STXBP5L: variants seen among roughly 807,000 people sequenced by gnomAD.
STXBP5L encodes the protein syntaxin-binding protein 5-like.
Under a neutral mutation model 144.5 loss-of-function variants are expected in STXBP5L, and 65 were observed. The ratio of observed to expected loss-of-function variants is 0.45; its 90% confidence interval spans 0.37 to 0.55. The LOEUF is 0.55. Among genes scored for constraint, STXBP5L ranks in the 20% least tolerant of loss-of-function variants. The pLI, the probability that STXBP5L is intolerant of heterozygous loss-of-function variation, is 0.00. For missense variants in STXBP5L, 1,298 were observed against 1,405.5 expected (o/e 0.92, Z 1.22); for synonymous variants, 505 against 469.6 (o/e 1.08, Z -0.97).
chr3:120,952,844 G>C (rs1711357223), intron 2 of STXBP5L, among the ~76,000 whole-genome samples: 1 of 152,032 alleles, frequency 6.6e-6, no homozygotes, highest in Non-Finnish European at 1.5e-5. Flanking sequence ...TGTCACCCAG[G>C]CTGGAGTACA....
At chr3:121,130,459 G>A (rs2044931228) in intron 7 of STXBP5L, among the ~76,000 whole-genome samples, 1 of 152,124 alleles carries the variant, frequency 6.6e-6, no homozygotes, top group Non-Finnish European at 1.5e-5. Context: ...ACCGAGCCCA[G>A]AATTCCATCT....
At chr3:121,143,317 A>G (rs1341332406) in intron 7 of STXBP5L, among the ~76,000 whole-genome samples, 1 of 151,652 alleles carries the variant, frequency 6.6e-6, no homozygotes, top group African/African-American at 2.4e-5. Flanking sequence ...CAACTTGAAA[A>G]GGGGAAAACA....
Position 121,136,847 on chromosome 3 carries a change from G to C in STXBP5L, c.669+15143G>C, listed in dbSNP as rs190927518. Reference sequence around the variant, plus strand: ...TCAACCTAAGTGCCCATCAATGGTGGACTGGATGAAGAAAATGTGCTACAT... The same window carrying C: ...TCAACCTAAGTGCCCATCAATGGTGCACTGGATGAAGAAAATGTGCTACAT... On this transcript the variant is annotated intron_variant, in intron 7 of 26. Transcript: ENST00000471454. 3.3e-5 allele frequency among the ~76,000 whole-genome samples: 5 copies of C among 152,320 alleles called. No homozygotes were observed. The East Asian group carries it at 9.6e-4, about 29-fold the overall frequency.
chr3:121,298,975 C>A (rs1293993482), intron 19 of STXBP5L, among the ~76,000 whole-genome samples: 1 of 152,086 alleles, frequency 6.6e-6, no homozygotes, highest in East Asian at 1.9e-4. Context: ...CTTTGGGGTT[C>A]TTCTCCTAAT....
intron 22 of STXBP5L, among the ~76,000 whole-genome samples, chr3:121,384,836 C>T (rs1042988919): frequency 2.0e-5 from 3 of 151,792 alleles, no homozygotes; most frequent in Non-Finnish European, 4.4e-5. Context: ...TCTCTGTCCC[C>T]GTCCCCATCC....
chr3:121,154,885 G>A (rs771184827), intron 8 of STXBP5L, among the ~76,000 whole-genome samples: 32 of 151,634 alleles, frequency 2.1e-4, no homozygotes, highest in Admixed American at 1.3e-3. Context: ...TTCCATCATC[G>A]TGTTGTATAT....
intron 3 of STXBP5L, among the ~76,000 whole-genome samples, chr3:120,988,314 T>C (rs1408753448): frequency 6.6e-6 from 1 of 151,834 alleles, no homozygotes; most frequent in South Asian, 2.1e-4. Context: ...TTTCATTTAG[T>C]TATATTTATT....
intron 5 of STXBP5L, among the ~76,000 whole-genome samples, chr3:121,087,332 C>T (rs2107714741): frequency 6.6e-6 from 1 of 152,090 alleles, no homozygotes; most frequent in African/African-American, 2.4e-5. Context: ...TCAGTTCTGT[C>T]ATGTTTTATT....
At chr3:120,986,963 C>A (rs1475441201) in intron 3 of STXBP5L, among the ~76,000 whole-genome samples, 3 of 151,752 alleles carry the variant, frequency 2.0e-5, no homozygotes, top group Admixed American at 6.6e-5. Flanking sequence ...ATCAAGTGGA[C>A]CAACATGTGT....
chr3:121,219,275 T>A (rs1266008055), intron 10 of STXBP5L, among the ~76,000 whole-genome samples: 1 of 152,144 alleles, frequency 6.6e-6, no homozygotes, highest in Non-Finnish European at 1.5e-5. Flanking sequence ...GAAGTGGAAT[T>A]ATATAGCTAT....
intron 5 of STXBP5L, among the ~76,000 whole-genome samples, chr3:121,061,837 C>G (rs1560077179): frequency 6.6e-6 from 1 of 152,098 alleles, no homozygotes; most frequent in Non-Finnish European, 1.5e-5. Flanking sequence ...GTTCCTCCAT[C>G]CCTTTATTTT....
chr3:121,205,513 A>G (rs2048302500), intron 9 of STXBP5L, among the ~76,000 whole-genome samples: 2 of 152,194 alleles, frequency 1.3e-5, no homozygotes, highest in African/African-American at 4.8e-5. Flanking sequence ...TTTCCAACAC[A>G]TGAATTTTGG....
intron 3 of STXBP5L, among the ~76,000 whole-genome samples, chr3:120,977,139 G>A (rs915116920): frequency 1.3e-5 from 2 of 152,214 alleles, no homozygotes; most frequent in African/African-American, 4.8e-5. Flanking sequence ...AATGTTGACA[G>A]TGGGGTGTTA....
intron 20 of STXBP5L, among the ~76,000 whole-genome samples, chr3:121,320,202 G>GT (rs2043923773): frequency 6.6e-6 from 1 of 151,712 alleles, no homozygotes; most frequent in African/African-American, 2.4e-5. Context: ...ATATTTTTGG[G>GT]TTTTTTTGTA....
At chr3:121,076,907 C>T (rs1052222841) in intron 5 of STXBP5L, among the ~76,000 whole-genome samples, 5 of 152,084 alleles carry the variant, frequency 3.3e-5, no homozygotes, top group Non-Finnish European at 5.9e-5. Context: ...CTACTTAGCC[C>T]GGAGAGTGCC....
intron 2 of STXBP5L, among the ~76,000 whole-genome samples, chr3:120,950,556 T>C (rs1711150571): frequency 6.6e-6 from 1 of 152,102 alleles, no homozygotes; most frequent in East Asian, 1.9e-4. Flanking sequence ...TTATTATACT[T>C]TAAGTTTTAG....
intron 5 of STXBP5L, among the ~76,000 whole-genome samples, chr3:121,092,879 G>A (rs2042890940): frequency 6.6e-6 from 1 of 152,166 alleles, no homozygotes. Context: ...TCCAGTATTT[G>A]CCCATTCAGT....
rs564674012 is a variant in STXBP5L at position 121,294,467 on chromosome 3, T to C, written c.2110+14511T>C. Among the ~76,000 whole-genome samples the C allele has an allele frequency of 1.2e-4, 19 of 152,264 alleles. No individual in the cohort carries two copies. In the South Asian group the frequency reaches 3.7e-3, roughly 30 times the overall value. On this transcript the variant is annotated intron_variant, in intron 19 of 26. Transcript: ENST00000471454. Reference sequence around the variant, plus strand: ...AATGTTATTATGTCTGTTGTATAAATGGAGATGTCAAGTGGACAAGTAAGT... The same window carrying C: ...AATGTTATTATGTCTGTTGTATAAACGGAGATGTCAAGTGGACAAGTAAGT...
intron 3 of STXBP5L, among the ~76,000 whole-genome samples, chr3:120,964,984 G>T (rs943225307): frequency 9.9e-5 from 15 of 152,172 alleles, no homozygotes; most frequent in Admixed American, 5.9e-4. Context: ...ATTTACAGTA[G>T]TTAGCTCTTC....
Sources: gnomAD v4.1 joint callset for allele counts (sites outside exome capture counted in the v4.1 genomes callset) on GRCh38, gnomAD v4.1.1 for gene constraint, MANE v1.5 for transcripts, NCBI Gene and HGNC (gene_info 2026-07-23, HGNC 2026-07-21) for gene names.